FLRT3: variants seen among roughly 807,000 people sequenced by gnomAD.
The protein encoded by FLRT3 is fibronectin leucine rich transmembrane protein 3, also known as leucine-rich repeat transmembrane protein FLRT3.
In FLRT3, 17 loss-of-function variants were observed where a neutral mutation model predicts 42.6. The observed-to-expected ratio is 0.40, with a 90% CI of 0.27 to 0.60. The LOEUF is 0.60. Ranked by LOEUF, FLRT3 falls within the 20% of genes least tolerant of loss-of-function variation. The probability of loss-of-function intolerance (pLI) is 0.44; values close to 1 mark genes in which losing one functional copy is unlikely to be tolerated. For synonymous variants in FLRT3, 279 were observed against 286.4 expected (o/e 0.97, Z 0.26); for missense variants, 635 against 789.2 (o/e 0.80, Z 2.34).
At position 14,331,971 on chromosome 20, in the gene FLRT3, G is replaced by A. The variant is rs114279385; in HGVS notation, c.-246-2644C>T. Among the ~76,000 whole-genome samples, 251 of 152,134 alleles carry A rather than the reference G, an allele frequency of 1.6e-3. 1 individual carries two copies. The highest frequency in any genetic ancestry group is 5.9e-3 in the African/African-American group (247 of 41,526). On this transcript the variant is annotated intron_variant, in intron 1 of 2. Coordinates refer to ENST00000341420, the MANE Select transcript of FLRT3 (RefSeq NM_198391.3). ...CCATTACTTCTGAACAAAATGAATC[G>A]ATCTTTTAGAAAAATACTGTTAATG... is the stretch of plus-strand genomic sequence containing the variant.
rs148150048 is a variant in FLRT3 at position 14,333,615 on chromosome 20, C to T, written c.-247+3789G>A. 5.7e-3 allele frequency among the ~76,000 whole-genome samples: 865 copies of T among 152,208 alleles called. 7 individuals carry two copies. The highest frequency in any genetic ancestry group is 0.02 in the African/African-American group (817 of 41,528). On this transcript the variant is annotated intron_variant, in intron 1 of 2. Coordinates refer to ENST00000341420, the MANE Select transcript of FLRT3 (RefSeq NM_198391.3). ...TTAAACCACGTTTTACCATTGCAGA[C>T]TTCAAATTCCTTTTTAACAGTGTGG...
intron 1 of FLRT3, among the ~76,000 whole-genome samples, chr20:14,331,273 A>G (rs1417329739): frequency 6.6e-6 from 1 of 152,114 alleles, no homozygotes; most frequent in Non-Finnish European, 1.5e-5. Context: ...GGCTCTAACA[A>G]TATGTATTGA....
At chr20:14,329,915 G>A (rs1240337090) in intron 1 of FLRT3, among the ~76,000 whole-genome samples, 1 of 151,902 alleles carries the variant, frequency 6.6e-6, no homozygotes, top group Non-Finnish European at 1.5e-5. Context: ...TGTATCTAAG[G>A]ACTACTTAGT....
chr20:14,326,123 T>G lies in FLRT3; in HGVS notation c.1384A>C (p.Ser462Arg), dbSNP rs770312567. ...ITETIVTGER[S>R]EYLVTALEPD... is the part of the protein sequence containing the mutation. ...TCCAGGGCTGTGACCAAGTACTCAC[T>G]GCGTTCCCCTGTTACAATTGTTTCT... Residue 462 changes from serine (S) to arginine (R), a missense_variant, in exon 3 of 3, where the codon AGT becomes CGT. Ser to Arg is a moderately radical substitution (Grantham distance 110). Coordinates refer to ENST00000341420, the MANE Select transcript of FLRT3 (RefSeq NM_198391.3). The surrounding 1 kb of genome is among the most constrained non-coding windows in gnomAD (Gnocchi z 5.5). The G allele has an allele frequency of 2.5e-6, 4 of 1,613,786 alleles. No individual in the cohort carries two copies.
chr20:14,328,571 T>G (rs914309330), intron 2 of FLRT3, among the ~76,000 whole-genome samples: 1 of 152,142 alleles, frequency 6.6e-6, no homozygotes, highest in Non-Finnish European at 1.5e-5. Context: ...AATACTTTGT[T>G]TTTCCTACCT....
Position 14,326,131 on chromosome 20 carries a change from CCT to C in FLRT3, c.1374_1375del (p.Glu460ThrfsTer3). On this transcript the variant is annotated frameshift_variant, in exon 3 of 3. Coordinates refer to ENST00000341420, the MANE Select transcript of FLRT3 (RefSeq NM_198391.3). LOFTEE classifies it high-confidence loss of function. The surrounding 1 kb of genome is among the most constrained non-coding windows in gnomAD (Gnocchi z 5.5). ...TGTGACCAAGTACTCACTGCGTTCC[CCT>C]GTTACAATTGTTTCTGTTATAGATC... The C allele has an allele frequency of 1.2e-6, 2 of 1,613,814 alleles. No individual in the cohort carries two copies. Among genetic ancestry groups the C allele is most frequent in the South Asian group, 1.1e-5 (1 of 91,072 alleles).
At chr20:14,335,151 G>C (rs2082914206) in intron 1 of FLRT3, among the ~76,000 whole-genome samples, 1 of 152,120 alleles carries the variant, frequency 6.6e-6, no homozygotes, top group Admixed American at 6.6e-5. Flanking sequence ...AGGGTGTGTG[G>C]CCAAGAAAAG....
intron 2 of FLRT3, among the ~76,000 whole-genome samples, chr20:14,328,434 C>A (rs913524632): frequency 4.6e-5 from 7 of 152,004 alleles, no homozygotes; most frequent in Non-Finnish European, 1.0e-4. Flanking sequence ...TGAATTCTAA[C>A]CTAGAACATA....
In FLRT3 at chr20:14,326,088, T is replaced by C; in HGVS notation, c.1419A>G (p.Ser473=). The change falls in exon 3 of 3, where the codon TCA becomes TCG. Residue 473 remains serine (S), a synonymous_variant. Transcript: ENST00000341420. This position sits in a 1 kb window ranked among gnomAD's most constrained non-coding sequence, Gnocchi z 5.5. ...TGGGAACCATGCATACTTTATAGGGTGAATCAGGCTCCAGGGCTGTGACCA... is the reference window on the plus strand; with the variant it reads ...TGGGAACCATGCATACTTTATAGGGCGAATCAGGCTCCAGGGCTGTGACCA... The part of the protein sequence containing the change: ...EYLVTALEPD[S]PYKVCMVPME... The C allele has an allele frequency of 6.2e-7, 1 of 1,613,884 alleles. No individual in the cohort carries two copies. The highest frequency in any genetic ancestry group is 1.3e-5 in the African/African-American group (1 of 75,010).
At chr20:14,328,530 T>C (rs1193376476) in intron 2 of FLRT3, among the ~76,000 whole-genome samples, 2 of 152,156 alleles carry the variant, frequency 1.3e-5, no homozygotes, top group African/African-American at 4.8e-5. Context: ...TAAGTATTAA[T>C]TAGCCTTTGT....
chr20:14,335,373 A>G, intron 1 of FLRT3, among the ~76,000 whole-genome samples: 1 of 152,232 alleles, frequency 6.6e-6, no homozygotes. Context: ...GACAGCCACA[A>G]GATTTCAACC....
At position 14,326,059 on chromosome 20, in the gene FLRT3, T is replaced by A; in HGVS notation, c.1448A>T (p.Glu483Val). 3 of 1,613,950 alleles carry A rather than the reference T, an allele frequency of 1.9e-6. No homozygotes were observed. Among genetic ancestry groups the A allele is most frequent in the Non-Finnish European group, 2.5e-6 (3 of 1,179,888 alleles). Residue 483 changes from glutamate to valine, a missense_variant, in exon 3 of 3, where the codon GAA (glutamate) becomes GTA (valine). Transcript: ENST00000341420. The surrounding 1 kb of genome is among the most constrained non-coding windows in gnomAD (Gnocchi z 5.5). ...ATCAAATAGGTAGAGGTTGCTGGTT[T>A]CCATGGGAACCATGCATACTTTATA... is the stretch of plus-strand genomic sequence containing the variant. ...SPYKVCMVPM[E>V]TSNLYLFDET...
At position 14,324,608 on chromosome 20, in the gene FLRT3, A is replaced by G. The variant is rs2082705278; in HGVS notation, c.*949T>C. 1 of 152,116 alleles carries G rather than the reference A, an allele frequency of 6.6e-6. No individual in the cohort carries two copies. Among genetic ancestry groups the G allele is most frequent in the Non-Finnish European group, 1.5e-5 (1 of 67,994 alleles). 9.4% of individuals were successfully genotyped at this position (152,116 alleles called of 1,614,324 possible). On this transcript the variant is annotated 3_prime_UTR_variant, in exon 3 of 3. Coordinates refer to ENST00000341420, the MANE Select transcript of FLRT3 (RefSeq NM_198391.3). ...TCGCTTATAATTACATTACATTTTT[A>G]ATATGCATAAAGTTTCTCTGACATC...
At chr20:14,337,292 G>C (rs1351218572) in intron 1 of FLRT3, 112 bp downstream of exon 1, 1 of 279,236 alleles carries the variant, frequency 3.6e-6, no homozygotes, top group Non-Finnish European at 6.6e-6. Flanking sequence ...TGTGGTGACA[G>C]AGCAAACGTT....
intron 1 of FLRT3, among the ~76,000 whole-genome samples, chr20:14,332,885 C>A (rs926459265): frequency 1.3e-5 from 2 of 151,978 alleles, no homozygotes; most frequent in Non-Finnish European, 2.9e-5. Flanking sequence ...AAAAGCTCAA[C>A]CTGTGAATGC....
At position 14,326,076 on chromosome 20, in the gene FLRT3, T is replaced by C; in HGVS notation, c.1431A>G (p.Val477=). 1.2e-6 allele frequency: 2 copies of C among 1,613,928 alleles called. No homozygotes were observed. The highest frequency in any genetic ancestry group is 4.5e-5 in the East Asian group (2 of 44,864). ...TALEPDSPYK[V]CMVPMETSNL... ...TGCTGGTTTCCATGGGAACCATGCATACTTTATAGGGTGAATCAGGCTCCA... is the reference window on the plus strand; with the variant it reads ...TGCTGGTTTCCATGGGAACCATGCACACTTTATAGGGTGAATCAGGCTCCA... Residue 477 remains valine (V), a synonymous_variant, in exon 3 of 3, where the codon GTA becomes GTG. Coordinates refer to ENST00000341420, the MANE Select transcript of FLRT3 (RefSeq NM_198391.3). The surrounding 1 kb of genome is among the most constrained non-coding windows in gnomAD (Gnocchi z 5.5).
At position 14,323,956 on chromosome 20, in the gene FLRT3, T is replaced by C. The variant is rs1390998901; in HGVS notation, c.*1601A>G. The C allele has an allele frequency of 6.6e-6, 1 of 152,180 alleles. No individual in the cohort carries two copies. Among genetic ancestry groups the C allele is most frequent in the East Asian group, 1.9e-4 (1 of 5,192 alleles). The allele number at this position is 152,180 out of a possible 1,614,324, so 9.4% of individuals were successfully genotyped here. On this transcript the variant is annotated 3_prime_UTR_variant, in exon 3 of 3. Coordinates refer to ENST00000341420, the MANE Select transcript of FLRT3 (RefSeq NM_198391.3). Reference sequence around the variant, plus strand: ...GGAAATACATTTATACATGAAACACTGAACTCTTTGAAGTAAAATGATACA... The same window carrying C: ...GGAAATACATTTATACATGAAACACCGAACTCTTTGAAGTAAAATGATACA...
At position 14,324,089 on chromosome 20, in the gene FLRT3, G is replaced by C. The variant is rs1300246471; in HGVS notation, c.*1468C>G. ...AATGTGCTGGGCAATTTGCTACTTA[G>C]TGATAGTAACACAATCCTGAAAAAG... On this transcript the variant is annotated 3_prime_UTR_variant, in exon 3 of 3. Transcript: ENST00000341420. The C allele has an allele frequency of 6.6e-6, 1 of 152,524 alleles. No homozygotes were observed. Among genetic ancestry groups the C allele is most frequent in the Non-Finnish European group, 1.5e-5 (1 of 68,020 alleles). 9.4% of individuals were successfully genotyped at this position (152,524 alleles called of 1,614,324 possible).
chr20:14,334,173 G>T (rs1338465984), intron 1 of FLRT3, among the ~76,000 whole-genome samples: 1 of 152,032 alleles, frequency 6.6e-6, no homozygotes, highest in Non-Finnish European at 1.5e-5. Flanking sequence ...TTTTCTCTGG[G>T]GTTTTCGTAA....
Sources: allele counts gnomAD v4.1 joint callset (sites outside exome capture counted in the v4.1 genomes callset), GRCh38; gene constraint gnomAD v4.1.1; non-coding constraint Gnocchi (gnomAD v3.1); transcripts MANE v1.5; gene names NCBI Gene and HGNC (gene_info 2026-07-23, HGNC 2026-07-21).